The following ETFA variants were observed in gnomAD, a reference collection of about 807,000 sequenced individuals.
ETFA encodes the protein electron transfer flavoprotein subunit alpha, also known as electron transfer flavoprotein subunit alpha, mitochondrial.
In ETFA, 22 loss-of-function variants were observed where a neutral mutation model predicts 46.2. The ratio of observed to expected loss-of-function variants is 0.48; its 90% CI spans 0.34 to 0.68. ETFA has a LOEUF of 0.68. Among genes scored for constraint, ETFA ranks in the 30% least tolerant of loss-of-function variants. ETFA has a pLI of 0.01. For synonymous variants in ETFA, 131 were observed against 139.9 expected, an observed-to-expected ratio of 0.94 and a Z score of 0.45; for missense variants, 345 against 401.1, an observed-to-expected ratio of 0.86 and a Z score of 1.19.
chr15:76,309,119 A>C (rs1187277187), intron 1 of ETFA, among the ~76,000 whole-genome samples: 1 of 152,226 alleles, frequency 6.6e-6, no homozygotes, highest in African/African-American at 2.4e-5. Flanking sequence ...TTTATGCTAG[A>C]AATCCAAATC....
intron 11 of ETFA, among the ~76,000 whole-genome samples, chr15:76,224,454 T>C (rs2038985493): frequency 6.6e-6 from 1 of 152,210 alleles, no homozygotes; most frequent in Non-Finnish European, 1.5e-5. Context: ...ATCCTAGTCT[T>C]TGCATGCAGT....
At chr15:76,229,086 T>C (rs2039036919) in intron 10 of ETFA, 2 of 152,212 alleles carry the variant, frequency 1.3e-5, no homozygotes, top group Admixed American at 6.5e-5. Context: ...TTCATTAGAT[T>C]CATTTGATTT....
chr15:76,251,936 G>C (rs2039302569), intron 9 of ETFA, among the ~76,000 whole-genome samples: 1 of 152,200 alleles, frequency 6.6e-6, no homozygotes, highest in Non-Finnish European at 1.5e-5. Context: ...TGTTGAGGAT[G>C]TCAATCAATA....
chr15:76,281,868 C>G (rs1190201459), intron 8 of ETFA, among the ~76,000 whole-genome samples: 2 of 145,778 alleles, frequency 1.4e-5, no homozygotes, highest in Non-Finnish European at 3.0e-5. Flanking sequence ...GGATTATCTA[C>G]ATGGGCCCTA....
intron 9 of ETFA, among the ~76,000 whole-genome samples, chr15:76,235,589 T>C (rs927676705): frequency 2.6e-5 from 4 of 152,216 alleles, no homozygotes; most frequent in Non-Finnish European, 5.9e-5. Flanking sequence ...TTGATATTCT[T>C]ACTGTACCTT....
At chr15:76,285,394 T>C (rs890377429) in intron 7 of ETFA, among the ~76,000 whole-genome samples, 41 of 152,162 alleles carry the variant, frequency 2.7e-4, no homozygotes, top group African/African-American at 9.9e-4. Context: ...GGCAAAGTTA[T>C]GCAGATAAGA....
At chr15:76,310,312 C>T (rs1428488441) in intron 1 of ETFA, among the ~76,000 whole-genome samples, 2 of 137,830 alleles carry the variant, frequency 1.5e-5, no homozygotes, top group African/African-American at 2.7e-5. Context: ...AGAAAGAGCT[C>T]CAGCTATGCC....
At chr15:76,261,925 G>A (rs1291552665) in intron 9 of ETFA, among the ~76,000 whole-genome samples, 2 of 152,166 alleles carry the variant, frequency 1.3e-5, no homozygotes, top group Non-Finnish European at 2.9e-5. Flanking sequence ...AAGATAGGTG[G>A]ATCGCTTGAG....
chr15:76,288,920 C>CTTTTTTTT (rs35295593), intron 4 of ETFA, among the ~76,000 whole-genome samples: 1,447 of 110,008 alleles, frequency 0.013, 89 homozygotes, highest in East Asian at 0.062. Context: ...TCTTCTTCTT[C>CTTTTTTTT]TTTTTTTTTT....
chr15:76,291,662 A>G (rs1300870211), intron 4 of ETFA, among the ~76,000 whole-genome samples: 1 of 151,882 alleles, frequency 6.6e-6, no homozygotes, highest in Non-Finnish European at 1.5e-5. Context: ...AGGCAGGAGA[A>G]TGGCGTGAAC....
intron 5 of ETFA, among the ~76,000 whole-genome samples, chr15:76,287,573 T>C (rs774400456): frequency 1.3e-5 from 2 of 152,214 alleles, no homozygotes; most frequent in African/African-American, 2.4e-5. Context: ...ACAAAATATA[T>C]TAAATTGTGA....
At chr15:76,239,715 T>C (rs2039165368) in intron 9 of ETFA, among the ~76,000 whole-genome samples, 1 of 151,540 alleles carries the variant, frequency 6.6e-6, no homozygotes, top group African/African-American at 2.4e-5. Context: ...CCACAAAGTA[T>C]ATTTATCTTA....
intron 9 of ETFA, among the ~76,000 whole-genome samples, chr15:76,235,512 TCTAA>T (rs1365624993): frequency 2.0e-5 from 3 of 152,168 alleles, no homozygotes; most frequent in African/African-American, 2.4e-5. Flanking sequence ...GTACAAATAT[TCTAA>T]CTGTCTAAGT....
chr15:76,296,333 C>T (rs531057004), intron 1 of ETFA, among the ~76,000 whole-genome samples: 85 of 152,238 alleles, frequency 5.6e-4, no homozygotes, highest in Non-Finnish European at 9.7e-4. Context: ...AAACAACTTT[C>T]CCACTAATCT....
intron 4 of ETFA, among the ~76,000 whole-genome samples, chr15:76,292,041 C>T (rs2039769532): frequency 6.6e-6 from 1 of 152,140 alleles, no homozygotes; most frequent in Non-Finnish European, 1.5e-5. Context: ...TTTCCAAATT[C>T]CCTACGTAGA....
intron 9 of ETFA, chr15:76,261,635 TGCTGTGGC>T (rs1567207368): frequency 2.5e-6 from 1 of 401,934 alleles, no homozygotes; most frequent in African/African-American, 2.1e-5. Flanking sequence ...CAGCCCCAGC[TGCTGTGGC>T]GGCAGCAGCA....
intron 9 of ETFA, chr15:76,260,683 A>T: frequency 1.3e-6 from 2 of 1,598,456 alleles, no homozygotes; most frequent in Non-Finnish European, 1.7e-6. Flanking sequence ...ACTTCTTCCC[A>T]CTCCAAGATG....
chr15:76,266,151 G>A (rs1369845981), intron 9 of ETFA, among the ~76,000 whole-genome samples: 1 of 152,176 alleles, frequency 6.6e-6, no homozygotes, highest in Non-Finnish European at 1.5e-5. Context: ...TTCAACCGAT[G>A]GGCAAGCTAC....
At chr15:76,238,068 A>C (rs1485429696) in intron 9 of ETFA, among the ~76,000 whole-genome samples, 1 of 152,204 alleles carries the variant, frequency 6.6e-6, no homozygotes, top group African/African-American at 2.4e-5. Context: ...GATCATATTA[A>C]AAATATAATA....
Sources: gnomAD v4.1 joint callset for allele counts (sites outside exome capture counted in the v4.1 genomes callset) on GRCh38, gnomAD v4.1.1 for gene constraint, MANE v1.5 for transcripts, NCBI Gene and HGNC (gene_info 2026-07-23, HGNC 2026-07-21) for gene names.